RTTN: variants seen among roughly 807,000 people sequenced by gnomAD.
RTTN encodes rotatin.
In RTTN, 182 loss-of-function variants were observed where a neutral mutation model predicts 269.2. The ratio of observed to expected loss-of-function variants is 0.68; its 90% CI spans 0.60 to 0.76. RTTN has a LOEUF of 0.76. Among genes scored for constraint, RTTN ranks in the 30% least tolerant of loss-of-function variants. The probability of loss-of-function intolerance (pLI) is 0.00; values close to 1 mark genes in which losing one functional copy is unlikely to be tolerated. For synonymous variants in RTTN, 1,006 were observed against 963.5 expected (o/e 1.04, Z -0.82); for missense variants, 2,545 against 2,608.6 (o/e 0.98, Z 0.53).
intron 40 of RTTN, among the ~76,000 whole-genome samples, chr18:70,033,112 G>T (rs570030927): frequency 3.5e-4 from 53 of 152,260 alleles, no homozygotes; most frequent in Admixed American, 9.2e-4. Flanking sequence ...CAGAGTTCTC[G>T]TGAGATCTGG....
intron 40 of RTTN, among the ~76,000 whole-genome samples, chr18:70,045,000 G>A (rs1176214063): frequency 2.0e-5 from 3 of 152,046 alleles, no homozygotes; most frequent in Non-Finnish European, 2.9e-5. Context: ...AACTAGGGAA[G>A]GTAAAATCTC....
At chr18:70,047,125 T>C (rs2057513540) in intron 40 of RTTN, among the ~76,000 whole-genome samples, 1 of 152,184 alleles carries the variant, frequency 6.6e-6, no homozygotes, top group African/African-American at 2.4e-5. Context: ...AACAAAGGAA[T>C]TATAACAAAC....
chr18:70,043,552 A>C (rs556116739), intron 40 of RTTN, among the ~76,000 whole-genome samples: 6 of 152,308 alleles, frequency 3.9e-5, no homozygotes, highest in African/African-American at 1.4e-4. Flanking sequence ...AGAGACATGA[A>C]AGAGAAGCTA....
At chr18:70,164,222 T>C (rs2060925458) in intron 14 of RTTN, among the ~76,000 whole-genome samples, 1 of 59,698 alleles carries the variant, frequency 1.7e-5, no homozygotes, top group East Asian at 1.4e-3. Context: ...TTTTTTTTTT[T>C]TTTTCCAGAA....
chr18:70,092,600 T>G, intron 29 of RTTN, 76 bp downstream of exon 29: 2 of 1,510,230 alleles, frequency 1.3e-6, no homozygotes, highest in Non-Finnish European at 1.8e-6. Context: ...CAAGTTTATA[T>G]GCTTGAAATG....
In RTTN at chr18:70,186,868, G is replaced by A. The variant is rs191600790; in HGVS notation, c.1305+1240C>T. On this transcript the variant is annotated intron_variant, in intron 10 of 48. Transcript: ENST00000640769. ...GAATAACAGACACCAGGGATTACTC[G>A]ACGGCAGAGAGTGGGAGGAGGACCA... Among the ~76,000 whole-genome samples the A allele has an allele frequency of 3.3e-3, 505 of 152,248 alleles. 7 individuals carry two copies. The highest frequency in any genetic ancestry group is 7.3e-3 in the Admixed American group (112 of 15,306).
At chr18:70,166,527 C>A (rs1349008837) in intron 13 of RTTN, 2 of 206,812 alleles carry the variant, frequency 9.7e-6, no homozygotes, top group Non-Finnish European at 1.9e-5. Context: ...TTAACCAATA[C>A]ACAGTCTTTT....
At chr18:70,093,195 T>C (rs998661311) in intron 28 of RTTN, among the ~76,000 whole-genome samples, 1 of 151,638 alleles carries the variant, frequency 6.6e-6, no homozygotes, top group African/African-American at 2.4e-5. Context: ...CAGAGTGAGA[T>C]CCTGTAATTT....
chr18:70,035,049 T>A (rs1006606229), intron 40 of RTTN, among the ~76,000 whole-genome samples: 2 of 152,266 alleles, frequency 1.3e-5, no homozygotes, highest in African/African-American at 4.8e-5. Flanking sequence ...AAAACACTGC[T>A]GAAAGAAATC....
intron 18 of RTTN, 55 bp downstream of exon 18, chr18:70,145,557 G>T: frequency 7.8e-7 from 1 of 1,285,010 alleles, no homozygotes; most frequent in South Asian, 1.6e-5. Flanking sequence ...TAAAATACAT[G>T]ATATAAAAAT....
intron 46 of RTTN, chr18:70,008,123 G>A (rs2056253066): frequency 6.6e-6 from 1 of 152,472 alleles, no homozygotes; most frequent in Admixed American, 6.5e-5. Context: ...ACAGGGGCAG[G>A]AGTGGACCTC....
At chr18:70,197,885 C>T in intron 5 of RTTN, 147 bp from the exon 6 acceptor site, 1 of 606,490 alleles carries the variant, frequency 1.6e-6, no homozygotes, top group Non-Finnish European at 2.9e-6. Flanking sequence ...GATCTTTTCC[C>T]TAACCAATAA....
chr18:70,080,938 A>T (rs879611929), intron 32 of RTTN, among the ~76,000 whole-genome samples: 387 of 25,512 alleles, frequency 0.015, 1 homozygote, highest in Non-Finnish European at 0.044. Flanking sequence ...TCACACACAC[A>T]CACACACACA....
intron 34 of RTTN, among the ~76,000 whole-genome samples, chr18:70,071,815 T>C (rs2058303533): frequency 5.3e-5 from 8 of 152,074 alleles, no homozygotes; most frequent in Admixed American, 3.9e-4. Context: ...CTGGATGACA[T>C]GACCCAAATC....
intron 11 of RTTN, among the ~76,000 whole-genome samples, chr18:70,174,733 T>C (rs1297475849): frequency 6.8e-6 from 1 of 147,186 alleles, no homozygotes; most frequent in Non-Finnish European, 1.5e-5. Flanking sequence ...AAAAAGAGAA[T>C]AAACAGGCCA....
At chr18:70,079,031 C>T (rs2058496993) in intron 32 of RTTN, among the ~76,000 whole-genome samples, 1 of 152,038 alleles carries the variant, frequency 6.6e-6, no homozygotes, top group Admixed American at 6.6e-5. Flanking sequence ...AAATTGTGTA[C>T]ATGAGCTAAA....
At chr18:70,193,578 G>T in intron 7 of RTTN, 125 bp from the exon 8 acceptor site, 2 of 698,206 alleles carry the variant, frequency 2.9e-6, no homozygotes, top group Non-Finnish European at 4.3e-6. Context: ...TTCTACAGGG[G>T]TAAAAACAAA....
rs1157112563 is a variant in RTTN at position 70,148,914 on chromosome 18, C to T, written c.2296G>A (p.Val766Met). 1 of 1,613,444 alleles carries T rather than the reference C, an allele frequency of 6.2e-7. No individual in the cohort carries two copies. Among genetic ancestry groups the T allele is most frequent in the Middle Eastern group, 1.7e-4 (1 of 6,054 alleles). ...RLKSMLRLLL[V>M]KKPSVRSLAL... Reference sequence around the variant, plus strand: ...CGTTGTACTCACGATGGCTTTTTCACTAGCAAAAGTCGCAGCATGGACTTT... The same window carrying T: ...CGTTGTACTCACGATGGCTTTTTCATTAGCAAAAGTCGCAGCATGGACTTT... Residue 766 changes from valine to methionine, a missense_variant, in exon 17 of 49, where the codon GTG (valine) becomes ATG (methionine). Physicochemically the swap from Val to Met is conservative, Grantham distance 21. Transcript: ENST00000640769.
rs117162471 is a variant in RTTN, at chr18:70,168,269, C to T, written c.1689+586G>A. Among the ~76,000 whole-genome samples the T allele has an allele frequency of 4.5e-3, 690 of 152,244 alleles. 2 individuals are homozygous for T. Among genetic ancestry groups the T allele is most frequent in the Non-Finnish European group, 7.3e-3 (495 of 68,008 alleles). On this transcript the variant is annotated intron_variant, in intron 12 of 48. Coordinates refer to ENST00000640769, the MANE Select transcript of RTTN (RefSeq NM_173630.4). The stretch of plus-strand genomic sequence containing the variant: ...ACAACTCTTGTATCAATGTCTGTCT[C>T]TAAGACCCATTAACCCTTTCATTGA...
Sources: allele counts gnomAD v4.1 joint callset (sites outside exome capture counted in the v4.1 genomes callset), GRCh38; gene constraint gnomAD v4.1.1; transcripts MANE v1.5; gene names NCBI Gene and HGNC (gene_info 2026-07-23, HGNC 2026-07-21).